Variants in TMEM108 observed in about 807,000 individuals in gnomAD.
The protein encoded by TMEM108 is cancer/testis antigen 124.
A neutral mutation model predicts 35.1 loss-of-function variants in TMEM108; 12 were observed. The observed-to-expected ratio is 0.34, with a 90% CI of 0.22 to 0.55. TMEM108 has a LOEUF of 0.55. TMEM108 is among the 20% of genes least tolerant of loss of function. TMEM108 has a pLI of 0.89. For synonymous variants in TMEM108, 287 were observed against 308.6 expected (o/e 0.93, Z 0.73); for missense variants, 680 against 753.3 (o/e 0.90, Z 1.14).
chr3:133,301,370 G>A (rs1947222751), intron 3 of TMEM108, among the ~76,000 whole-genome samples: 4 of 152,174 alleles, frequency 2.6e-5, no homozygotes, highest in Admixed American at 1.3e-4. Context: ...ACGCAGGAAA[G>A]TGGAAAATGC....
intron 2 of TMEM108, among the ~76,000 whole-genome samples, chr3:133,070,954 A>G (rs1425438762): frequency 6.6e-6 from 1 of 152,132 alleles, no homozygotes; most frequent in East Asian, 1.9e-4. Context: ...AGATGGGGAC[A>G]CCAGACAGCT....
intron 2 of TMEM108, among the ~76,000 whole-genome samples, chr3:133,153,617 A>T (rs1375186400): frequency 1.3e-5 from 2 of 152,194 alleles, no homozygotes; most frequent in African/African-American, 4.8e-5. Flanking sequence ...CTAATTAAGC[A>T]CTTGGCTTTT....
At chr3:133,167,253 T>TACAATCCTCCAGCTAG (rs1404098306) in intron 2 of TMEM108, among the ~76,000 whole-genome samples, 2 of 152,246 alleles carry the variant, frequency 1.3e-5, no homozygotes, top group Non-Finnish European at 2.9e-5. Flanking sequence ...TTGGTGCATA[T>TACAATCCTCCAGCTAG]ACAATCCTCC....
intron 3 of TMEM108, among the ~76,000 whole-genome samples, chr3:133,302,914 C>T (rs559983572): frequency 3.9e-5 from 6 of 152,224 alleles, no homozygotes; most frequent in Admixed American, 2.6e-4. Context: ...ACTTATTTCA[C>T]GCCTTGGTGA....
chr3:133,110,147 A>G (rs1352251788), intron 2 of TMEM108, among the ~76,000 whole-genome samples: 1 of 152,162 alleles, frequency 6.6e-6, no homozygotes, highest in African/African-American at 2.4e-5. Context: ...GAACAAGCAG[A>G]CAAGTAAAAA....
chr3:133,100,255 C>T (rs1944070591), intron 2 of TMEM108, among the ~76,000 whole-genome samples: 1 of 152,168 alleles, frequency 6.6e-6, no homozygotes, highest in Non-Finnish European at 1.5e-5. Flanking sequence ...TCATGGGTTC[C>T]ACCCACAACA....
At chr3:133,044,537 A>G (rs1266800669) in intron 1 of TMEM108, among the ~76,000 whole-genome samples, 2 of 152,226 alleles carry the variant, frequency 1.3e-5, no homozygotes, top group Non-Finnish European at 2.9e-5. Context: ...CAAAATGCCA[A>G]AGGACAACAG....
At chr3:133,177,757 T>C (rs376575512) in intron 2 of TMEM108, among the ~76,000 whole-genome samples, 26 of 151,778 alleles carry the variant, frequency 1.7e-4, no homozygotes, top group South Asian at 6.2e-4. Context: ...TGGCACAAGA[T>C]AGGGATGCCC....
chr3:133,388,078 T>G, intron 4 of TMEM108: 1 of 985,488 alleles, frequency 1.0e-6, no homozygotes, highest in Non-Finnish European at 1.2e-6. Flanking sequence ...AGAGCTGTTC[T>G]GTTTGTCCTG....
At chr3:133,229,164 G>A (rs1946116065) in intron 2 of TMEM108, 102 bp from the exon 3 acceptor site, 3 of 659,734 alleles carry the variant, frequency 4.5e-6, no homozygotes, top group Admixed American at 3.1e-5. Flanking sequence ...TTTGAAATTG[G>A]GTAAGTTAGG....
chr3:133,057,435 GTATATATA>G (rs56983894), intron 2 of TMEM108, among the ~76,000 whole-genome samples: 5,306 of 41,582 alleles, frequency 0.13, 228 homozygotes, highest in Middle Eastern at 0.24. Context: ...GTGTGTGTGT[GTATATATA>G]TATATATATA....
chr3:133,044,364 C>CT (rs1943310138), intron 1 of TMEM108, among the ~76,000 whole-genome samples: 1 of 152,058 alleles, frequency 6.6e-6, no homozygotes, highest in Non-Finnish European at 1.5e-5. Flanking sequence ...TCCTGTGACT[C>CT]TAAGAAATTG....
intron 2 of TMEM108, among the ~76,000 whole-genome samples, chr3:133,191,918 C>T (rs1193723828): frequency 6.6e-6 from 1 of 152,138 alleles, no homozygotes. Flanking sequence ...ATTACTGATG[C>T]ACCCAGACTG....
chr3:133,302,644 T>C (rs1576442935), intron 3 of TMEM108, among the ~76,000 whole-genome samples: 3 of 152,018 alleles, frequency 2.0e-5, no homozygotes, highest in Admixed American at 1.3e-4. Context: ...ATGGTCTCGA[T>C]CTCCTGACCT....
intron 2 of TMEM108, among the ~76,000 whole-genome samples, chr3:133,222,180 C>G (rs1272389566): frequency 6.6e-6 from 1 of 152,034 alleles, no homozygotes; most frequent in Non-Finnish European, 1.5e-5. Flanking sequence ...GACAGCTTTG[C>G]TGGTTTCAGG....
intron 3 of TMEM108, among the ~76,000 whole-genome samples, chr3:133,370,491 T>C (rs556626189): frequency 6.6e-6 from 1 of 152,312 alleles, no homozygotes; most frequent in Admixed American, 6.5e-5. Flanking sequence ...TGAGGTCGTG[T>C]CTCTCTGGTT....
chr3:133,218,530 G>T (rs898253745), intron 2 of TMEM108, among the ~76,000 whole-genome samples: 1 of 151,784 alleles, frequency 6.6e-6, no homozygotes, highest in Non-Finnish European at 1.5e-5. Flanking sequence ...GTTAGCTGTG[G>T]GTTTGTCATA....
chr3:133,082,742 C>T (rs1943828575), intron 2 of TMEM108, among the ~76,000 whole-genome samples: 1 of 151,972 alleles, frequency 6.6e-6, no homozygotes, highest in Non-Finnish European at 1.5e-5. Context: ...GCCTCAACCT[C>T]CTGGACTTAA....
At chr3:133,228,257 G>A (rs1324324103) in intron 2 of TMEM108, among the ~76,000 whole-genome samples, 1 of 151,436 alleles carries the variant, frequency 6.6e-6, no homozygotes, top group Non-Finnish European at 1.5e-5. Flanking sequence ...AAAAAACCTG[G>A]CATGCTAGTA....
Sources: gnomAD v4.1 joint callset for allele counts (sites outside exome capture counted in the v4.1 genomes callset) on GRCh38, gnomAD v4.1.1 for gene constraint, MANE v1.5 for transcripts, NCBI Gene and HGNC (gene_info 2026-07-23, HGNC 2026-07-21) for gene names.